Variants in CLTA observed in about 807,000 individuals in gnomAD.
The protein encoded by CLTA is clathrin light chain A.
In CLTA, 9 loss-of-function variants were observed where a neutral mutation model predicts 26.9. The ratio of observed to expected loss-of-function variants is 0.33; its 90% CI spans 0.20 to 0.58. The LOEUF (loss-of-function observed/expected upper bound fraction) is 0.58. Ranked by LOEUF, CLTA falls within the 20% of genes least tolerant of loss-of-function variation. The pLI, the probability that CLTA is intolerant of heterozygous loss-of-function variation, is 0.85. For synonymous variants in CLTA, 120 were observed against 115.5 expected (o/e 1.04, Z -0.25); for missense variants, 278 against 294.2 (o/e 0.94, Z 0.40).
At chr9:36,199,146 A>G in intron 3 of CLTA, 50 bp downstream of exon 3, 1 of 1,142,902 alleles carries the variant, frequency 8.7e-7, no homozygotes, top group South Asian at 1.2e-5. Flanking sequence ...GGAGTAGTTG[A>G]GCTGGACTCT....
rs1282495953 is a variant in CLTA at position 36,204,324 on chromosome 9, AG to A, written c.485+146del. On this transcript the variant is annotated intron_variant, in intron 4 of 4. Coordinates refer to ENST00000345519, the MANE Select transcript of CLTA (RefSeq NM_001833.4). The stretch of plus-strand genomic sequence containing the variant: ...AAGAAAGTGCTTGAAACAGGTTGCA[AG>A]TCTCTCGGGTCTTGTGAGCATAATT... The A allele has an allele frequency of 2.6e-5, 22 of 842,236 alleles. 1 individual carries two copies. The East Asian group carries it at 2.7e-4, about 10-fold the overall frequency. 52.2% of individuals were successfully genotyped at this position (842,236 alleles called of 1,614,324 possible).
chr9:36,197,511 A>C, intron 1 of CLTA, 40 bp from the exon 2 acceptor site: 2 of 1,520,654 alleles, frequency 1.3e-6, no homozygotes, highest in Non-Finnish European at 1.8e-6. Context: ...CCAGTGTTTG[A>C]CCAGTCCTTA....
At chr9:36,201,962 T>A (rs929455673) in intron 3 of CLTA, among the ~76,000 whole-genome samples, 2 of 150,596 alleles carry the variant, frequency 1.3e-5, no homozygotes, top group Non-Finnish European at 3.0e-5. Flanking sequence ...AAAAAAAAAA[T>A]TAGCTGGGGG....
Position 36,211,704 on chromosome 9 carries a change from A to G in CLTA, c.587A>G (p.Lys196Arg). ...TGTGACTTTAACCCCAAGTCTAGCA[A>G]GCAGGCCAAAGATGTCTCCCGCATG... The part of the protein sequence containing the change: ...RLCDFNPKSS[K>R]QAKDVSRMRS... Residue 196 changes from lysine (K) to arginine (R), a missense_variant, in exon 5 of 5, where the codon AAG (lysine) becomes AGG (arginine). By Grantham distance (26) the Lys-to-Arg change is conservative. Coordinates refer to ENST00000345519, the MANE Select transcript of CLTA (RefSeq NM_001833.4). The G allele has an allele frequency of 6.2e-7, 1 of 1,614,174 alleles. No individual in the cohort carries two copies. Among genetic ancestry groups the G allele is most frequent in the Non-Finnish European group, 8.5e-7 (1 of 1,179,996 alleles).
At chr9:36,205,566 C>A (rs1827669234) in intron 4 of CLTA, among the ~76,000 whole-genome samples, 1 of 152,094 alleles carries the variant, frequency 6.6e-6, no homozygotes, top group African/African-American at 2.4e-5. Context: ...GTAGCTGTGC[C>A]GACCCTCCCC....
chr9:36,205,497 C>A (rs749703081), intron 4 of CLTA, among the ~76,000 whole-genome samples: 1 of 152,082 alleles, frequency 6.6e-6, no homozygotes, highest in African/African-American at 2.4e-5. Flanking sequence ...AAGCACCCTG[C>A]GAGCCCTGAG....
rs138031703 is a variant in CLTA at position 36,199,081 on chromosome 9, C to T, written c.358C>T (p.Arg120Cys). The T allele has an allele frequency of 1.7e-5, 28 of 1,610,734 alleles. No individual in the cohort carries two copies. The highest frequency in any genetic ancestry group is 4.4e-5 in the South Asian group (4 of 91,016). Reference sequence around the variant, plus strand: ...TAAATGGAGAGAAGAACAAATGGAACGCTTGGAAGCCCTTGGTAAGGAATC... The same window carrying T: ...TAAATGGAGAGAAGAACAAATGGAATGCTTGGAAGCCCTTGGTAAGGAATC... The part of the protein sequence containing the change: ...IRKWREEQME[R>C]LEALDANSRK... Residue 120 changes from arginine (R) to cysteine (C), a missense_variant, in exon 3 of 5, where the codon CGC becomes TGC. Coordinates refer to ENST00000345519, the MANE Select transcript of CLTA (RefSeq NM_001833.4).
intron 3 of CLTA, among the ~76,000 whole-genome samples, chr9:36,201,791 C>A (rs1827426422): frequency 6.6e-6 from 1 of 152,166 alleles, no homozygotes; most frequent in South Asian, 2.1e-4. Flanking sequence ...ATCTGTACTT[C>A]ATGCCATGGA....
At chr9:36,202,413 CT>C (rs1483091074) in intron 3 of CLTA, among the ~76,000 whole-genome samples, 1 of 152,200 alleles carries the variant, frequency 6.6e-6, no homozygotes, top group Non-Finnish European at 1.5e-5. Context: ...ATCTACTCTC[CT>C]TCTCAAAGAC....
intron 3 of CLTA, among the ~76,000 whole-genome samples, chr9:36,199,422 C>CT (rs1159596152): frequency 1.3e-5 from 2 of 151,646 alleles, no homozygotes; most frequent in African/African-American, 2.4e-5. Flanking sequence ...TGTCCGTGGA[C>CT]TTTAACAGTC....
chr9:36,199,629 T>C (rs1337486465), intron 3 of CLTA, among the ~76,000 whole-genome samples: 1 of 148,710 alleles, frequency 6.7e-6, no homozygotes, highest in Non-Finnish European at 1.5e-5. Flanking sequence ...TTTTTTTTTG[T>C]ATTTTTAGTA....
chr9:36,198,301 G>A (rs999269649), intron 2 of CLTA, among the ~76,000 whole-genome samples: 1 of 151,734 alleles, frequency 6.6e-6, no homozygotes, highest in Non-Finnish European at 1.5e-5. Context: ...CCCCGCCAGA[G>A]CCACCGCAAC....
chr9:36,196,312 C>G (rs1333545173), intron 1 of CLTA, among the ~76,000 whole-genome samples: 1 of 150,660 alleles, frequency 6.6e-6, no homozygotes, highest in East Asian at 1.9e-4. Context: ...ATCCTGTGAT[C>G]CAGCAATTCC....
rs1827248102 is a variant in CLTA at position 36,199,113 on chromosome 9, G to A, written c.373+17G>A. Reference sequence around the variant, plus strand: ...AAGCCCTTGGTAAGGAATCCCTTCTGTGTTTTGGTGTCTGTTTTCAGTGGA... The same window carrying A: ...AAGCCCTTGGTAAGGAATCCCTTCTATGTTTTGGTGTCTGTTTTCAGTGGA... On this transcript the variant is annotated intron_variant, in intron 3 of 4. Coordinates refer to ENST00000345519, the MANE Select transcript of CLTA (RefSeq NM_001833.4). The A allele has an allele frequency of 6.6e-7, 1 of 1,515,572 alleles. No individual in the cohort carries two copies. 93.9% of individuals were successfully genotyped at this position (1,515,572 alleles called of 1,614,324 possible). A position where few individuals can be genotyped will look rare whatever the true frequency, so the allele number is the denominator to read the frequency against.
intron 3 of CLTA, among the ~76,000 whole-genome samples, chr9:36,202,818 C>CTT (rs60289579): frequency 8.4e-5 from 12 of 143,096 alleles, no homozygotes; most frequent in African/African-American, 2.6e-4. Context: ...ACATGTATTT[C>CTT]TTTTTTTTTT....
chr9:36,211,943 C>T lies in CLTA; in HGVS notation c.*169C>T, dbSNP rs1201108565. ...TTTCCTTCCTTCAACTGTGTTCTCC[C>T]TGGCATTCAGAGAGGAGGGAGAGGA... On this transcript the variant is annotated 3_prime_UTR_variant, in exon 5 of 5. Transcript: ENST00000345519. The T allele has an allele frequency of 4.2e-6, 3 of 722,194 alleles. No individual in the cohort carries two copies. Among genetic ancestry groups the T allele is most frequent in the East Asian group, 5.4e-5 (2 of 37,148 alleles). The allele number at this position is 722,194 out of a possible 1,614,324, so 44.7% of individuals were successfully genotyped here.
At position 36,204,186 on chromosome 9, in the gene CLTA, C is replaced by T; in HGVS notation, c.485+7C>T. ...AAACAAAAGCAAACAACAGGTCAGT[C>T]CGTGGTGGTTGTAGCACACTTTGTT... On this transcript the variant is annotated splice_region_variant and intron_variant, in intron 4 of 4. Transcript: ENST00000345519. The T allele has an allele frequency of 6.2e-7, 1 of 1,611,298 alleles. No homozygotes were observed. The highest frequency in any genetic ancestry group is 8.5e-7 in the Non-Finnish European group (1 of 1,178,592).
At chr9:36,208,545 C>T (rs1827850827) in intron 4 of CLTA, among the ~76,000 whole-genome samples, 1 of 152,170 alleles carries the variant, frequency 6.6e-6, no homozygotes, top group Non-Finnish European at 1.5e-5. Flanking sequence ...TCACCTCCAG[C>T]CGTTTTTTCC....
In CLTA at chr9:36,211,941, C is replaced by T; in HGVS notation, c.*167C>T. 2 of 722,184 alleles carry T rather than the reference C, an allele frequency of 2.8e-6. No individual in the cohort carries two copies. The highest frequency in any genetic ancestry group is 4.8e-6 in the Non-Finnish European group (2 of 417,416). 44.7% of individuals were successfully genotyped at this position (722,184 alleles called of 1,614,324 possible). ...TGTTTCCTTCCTTCAACTGTGTTCT[C>T]CCTGGCATTCAGAGAGGAGGGAGAG... is the stretch of plus-strand genomic sequence containing the variant. On this transcript the variant is annotated 3_prime_UTR_variant, in exon 5 of 5. Coordinates refer to ENST00000345519, the MANE Select transcript of CLTA (RefSeq NM_001833.4).
Sources: gnomAD v4.1 joint callset for allele counts (sites outside exome capture counted in the v4.1 genomes callset) on GRCh38, gnomAD v4.1.1 for gene constraint, MANE v1.5 for transcripts, NCBI Gene and HGNC (gene_info 2026-07-23, HGNC 2026-07-21) for gene names.